LAMB4: variants seen among roughly 807,000 people sequenced by gnomAD.
LAMB4 encodes the protein laminin subunit beta 4.
In LAMB4, 196 loss-of-function variants were observed where a neutral mutation model predicts 199.2. The ratio of observed to expected loss-of-function variants is 0.98; its 90% CI spans 0.88 to 1.11. The LOEUF is 1.11. Ranked by LOEUF, LAMB4 falls within the 50% of genes least tolerant of loss-of-function variation. The pLI, the probability that LAMB4 is intolerant of heterozygous loss-of-function variation, is 0.00. For synonymous variants in LAMB4, 744 were observed against 770.6 expected, an observed-to-expected ratio of 0.97 and a Z score of 0.57; for missense variants, 2,080 against 2,171.2, an observed-to-expected ratio of 0.96 and a Z score of 0.83.
intron 12 of LAMB4, among the ~76,000 whole-genome samples, chr7:108,094,119 C>A (rs1248769236): frequency 6.6e-6 from 1 of 152,106 alleles, no homozygotes; most frequent in Non-Finnish European, 1.5e-5. Context: ...GGGGGGGGTC[C>A]CTGTTCAGTT....
At chr7:108,096,205 C>T (rs193300906) in intron 11 of LAMB4, among the ~76,000 whole-genome samples, 15 of 152,298 alleles carry the variant, frequency 9.8e-5, no homozygotes, top group East Asian at 3.9e-4. Flanking sequence ...GTGCTGCTTT[C>T]GGTCTGATTT....
chr7:108,119,214 A>G (rs961090523), intron 2 of LAMB4, among the ~76,000 whole-genome samples: 5 of 152,212 alleles, frequency 3.3e-5, no homozygotes, highest in African/African-American at 1.2e-4. Context: ...ACTCCTAGGA[A>G]GAATATGGTA....
chr7:108,079,558 T>G, intron 15 of LAMB4, 43 bp downstream of exon 15: 2 of 1,467,606 alleles, frequency 1.4e-6, no homozygotes, highest in Non-Finnish European at 9.3e-7. Context: ...AGAATGTATT[T>G]CTGTCAGCTT....
chr7:108,088,690 C>G (rs1563081211), intron 14 of LAMB4, among the ~76,000 whole-genome samples: 1 of 152,154 alleles, frequency 6.6e-6, no homozygotes, highest in Non-Finnish European at 1.5e-5. Context: ...TCTCTGTTAC[C>G]TCTTAACTTA....
intron 5 of LAMB4, among the ~76,000 whole-genome samples, chr7:108,108,104 A>G (rs435744): frequency 0.37 from 56,215 of 151,790 alleles, 10,977 homozygotes; most frequent in Non-Finnish European, 0.42. Context: ...CCATGCCCAG[A>G]TAATTTTTTT....
intron 2 of LAMB4, among the ~76,000 whole-genome samples, chr7:108,120,455 T>G (rs1170809154): frequency 1.3e-5 from 2 of 152,224 alleles, no homozygotes; most frequent in Non-Finnish European, 2.9e-5. Context: ...AAATTTTCTA[T>G]TCTCAATCTC....
rs562395653 is a variant in LAMB4 at position 108,109,907 on chromosome 7, CAT to C, written c.329-665_329-664del. ...TGTCCAACAGAAATAAAATATGAGA[CAT>C]GTGTGTAATTTTGAATTTTCTAGCA... On this transcript the variant is annotated intron_variant, in intron 4 of 33. Transcript: ENST00000388781. Among the ~76,000 whole-genome samples the C allele has an allele frequency of 3.2e-4, 49 of 152,124 alleles. No individual in the cohort carries two copies. The South Asian group carries it at 7.9e-3, about 25-fold the overall frequency.
chr7:108,104,658 G>C (rs750482079), intron 8 of LAMB4, 39 bp from the exon 9 acceptor site: 1 of 1,601,816 alleles, frequency 6.2e-7, no homozygotes, highest in Admixed American at 1.7e-5. Context: ...AAGAGGGCTT[G>C]TCCTTGGGGA....
the LAMB4 span, among the ~76,000 whole-genome samples, chr7:108,018,221 C>T: frequency 5.9e-5 from 9 of 152,228 alleles, no homozygotes; most frequent in African/African-American, 2.2e-4. Flanking sequence ...AGTTTTAATC[C>T]ACAAGGGCAT....
chr7:108,109,051 T>C, intron 5 of LAMB4, 120 bp downstream of exon 5: 1 of 729,758 alleles, frequency 1.4e-6, no homozygotes. Context: ...GTGGCAAAGG[T>C]CAAGTCTGAA....
intron 30 of LAMB4, among the ~76,000 whole-genome samples, chr7:108,036,248 G>A (rs552376403): frequency 2.0e-5 from 3 of 150,986 alleles, no homozygotes; most frequent in African/African-American, 2.5e-5. Context: ...GGAGTGCAAC[G>A]GCGCAATCTT....
intron 17 of LAMB4, among the ~76,000 whole-genome samples, chr7:108,073,037 C>T (rs984655012): frequency 1.3e-5 from 2 of 152,332 alleles, no homozygotes; most frequent in South Asian, 2.1e-4. Context: ...TGGAGTCTTG[C>T]TCTGCTGCCC....
chr7:108,056,509 T>C (rs1300057080), intron 24 of LAMB4, among the ~76,000 whole-genome samples: 1 of 152,202 alleles, frequency 6.6e-6, no homozygotes, highest in African/African-American at 2.4e-5. Context: ...CATTTTGTCT[T>C]AATTTAAAAA....
In LAMB4 at chr7:108,088,306, GCGTGT is replaced by G. The variant is rs1584724059; in HGVS notation, c.1701+3315_1701+3319del. On this transcript the variant is annotated intron_variant, in intron 14 of 33. Transcript: ENST00000388781. The stretch of plus-strand genomic sequence containing the variant: ...GCCTCCCAAGTAGCTGGGACTACAG[GCGTGT>G]GCCACCACGCCCAGCTAATTTTTGT... Among the ~76,000 whole-genome samples, 3 of 152,110 alleles carry G rather than the reference GCGTGT, an allele frequency of 2.0e-5. No homozygotes were observed. The East Asian group carries it at 5.8e-4, about 29-fold the overall frequency.
chr7:108,038,457 C>G (rs1022123130), intron 29 of LAMB4, among the ~76,000 whole-genome samples: 3 of 152,148 alleles, frequency 2.0e-5, no homozygotes, highest in Non-Finnish European at 2.9e-5. Flanking sequence ...ACTGTGCCCC[C>G]CAAAGAAACT....
chr7:108,127,414 C>T (rs966091458), intron 1 of LAMB4, among the ~76,000 whole-genome samples: 3 of 152,132 alleles, frequency 2.0e-5, no homozygotes, highest in Non-Finnish European at 4.4e-5. Flanking sequence ...AATCTAAATT[C>T]TTCTCATCAA....
At chr7:108,125,261 T>A (rs2038737999) in intron 1 of LAMB4, among the ~76,000 whole-genome samples, 1 of 152,160 alleles carries the variant, frequency 6.6e-6, no homozygotes, top group Non-Finnish European at 1.5e-5. Flanking sequence ...CTTACTGCTT[T>A]TTTCTCACAG....
rs2037881092 is a variant in LAMB4, at chr7:108,103,241, A to T, written c.992-9T>A. 6.5e-7 allele frequency: 1 copy of T among 1,541,058 alleles called. No individual in the cohort carries two copies. Among genetic ancestry groups the T allele is most frequent in the African/African-American group, 1.4e-5 (1 of 73,234 alleles). On this transcript the variant is annotated splice_polypyrimidine_tract_variant and intron_variant, in intron 9 of 33. Coordinates refer to ENST00000388781, the MANE Select transcript of LAMB4 (RefSeq NM_007356.3). ...GCTATTACAGCTGCACGCTGAAAGGAGAAGACAGTGACTGAGAGGTAGACT... is the reference window on the plus strand; with the variant it reads ...GCTATTACAGCTGCACGCTGAAAGGTGAAGACAGTGACTGAGAGGTAGACT...
At chr7:108,027,820 T>C (rs1433166730) in intron 33 of LAMB4, among the ~76,000 whole-genome samples, 1 of 152,242 alleles carries the variant, frequency 6.6e-6, no homozygotes, top group Non-Finnish European at 1.5e-5. Flanking sequence ...TCTCTCTCTG[T>C]TGCCCAGGTT....
Sources: allele counts gnomAD v4.1 joint callset (sites outside exome capture counted in the v4.1 genomes callset), GRCh38; gene constraint gnomAD v4.1.1; transcripts MANE v1.5; gene names NCBI Gene and HGNC (gene_info 2026-07-23, HGNC 2026-07-21).